Variants in OTUD7A observed in about 807,000 individuals in gnomAD.
OTUD7A encodes the protein OTU deubiquitinase 7A.
In OTUD7A, 12 loss-of-function variants were observed where a neutral mutation model predicts 65.7. That is an observed-to-expected ratio of 0.18 (90% CI 0.12 to 0.30). The LOEUF is 0.30. OTUD7A is among the 10% of genes least tolerant of loss of function. The pLI, the probability that OTUD7A is intolerant of heterozygous loss-of-function variation, is 1.00. For missense variants in OTUD7A, 1,148 were observed against 1,304.8 expected (o/e 0.88, Z 1.85); for synonymous variants, 641 against 586.3 (o/e 1.09, Z -1.35).
chr15:31,517,076 C>A (rs960592778), intron 8 of OTUD7A, among the ~76,000 whole-genome samples: 1 of 152,232 alleles, frequency 6.6e-6, no homozygotes, highest in Non-Finnish European at 1.5e-5. Flanking sequence ...ACAAAGCCAT[C>A]TGCCAGTACA....
rs2041063707 is a variant in OTUD7A, at chr15:31,478,662, C to T, written c.*4632G>A. On this transcript the variant is annotated 3_prime_UTR_variant, in exon 13 of 13. Transcript: ENST00000307050. The stretch of plus-strand genomic sequence containing the variant: ...CCCAAGGGGTCCCTGCAGGGCATCT[C>T]CCTCGCTCTTTTCTGCTGGGGGTGC... 6.6e-6 allele frequency: 1 copy of T among 152,178 alleles called. No individual in the cohort carries two copies. The highest frequency in any genetic ancestry group is 2.1e-4 in the South Asian group (1 of 4,822). The allele number at this position is 152,178 out of a possible 1,614,324, so 9.4% of individuals were successfully genotyped here.
intron 5 of OTUD7A, among the ~76,000 whole-genome samples, chr15:31,535,877 T>C (rs1359466314): frequency 3.9e-5 from 6 of 151,968 alleles, no homozygotes; most frequent in Non-Finnish European, 7.4e-5. Context: ...AGACGGGGTT[T>C]CACCGTGTTA....
intron 1 of OTUD7A, among the ~76,000 whole-genome samples, chr15:31,702,947 A>G (rs1893246832): frequency 6.6e-6 from 1 of 151,892 alleles, no homozygotes; most frequent in Admixed American, 6.6e-5. Flanking sequence ...CTGATTTTTG[A>G]CAGAGGTGAA....
intron 8 of OTUD7A, among the ~76,000 whole-genome samples, chr15:31,513,530 C>G (rs189226269): frequency 6.6e-6 from 1 of 152,356 alleles, no homozygotes; most frequent in Admixed American, 6.5e-5. Flanking sequence ...GAACATTTCT[C>G]AGGATATCCT....
intron 3 of OTUD7A, among the ~76,000 whole-genome samples, chr15:31,577,868 G>A (rs1192165882): frequency 6.7e-6 from 1 of 149,862 alleles, no homozygotes; most frequent in African/African-American, 2.5e-5. Flanking sequence ...TCCTTCCTTG[G>A]AATCGGACAA....
chr15:31,750,366 C>G (rs1296700115), intron 1 of OTUD7A, among the ~76,000 whole-genome samples: 1 of 137,846 alleles, frequency 7.3e-6, no homozygotes, highest in Non-Finnish European at 1.5e-5. Context: ...CAAGATCATG[C>G]CACTGCTTTC....
At chr15:31,633,445 C>G (rs1203858218) in intron 3 of OTUD7A, among the ~76,000 whole-genome samples, 1 of 152,174 alleles carries the variant, frequency 6.6e-6, no homozygotes, top group African/African-American at 2.4e-5. Context: ...TTCTTGGTAC[C>G]TATTTTGAAT....
Position 31,483,703 on chromosome 15 carries a change from A to C in OTUD7A, c.2393T>G (p.Leu798Arg). 1 of 1,150,958 alleles carries C rather than the reference A, an allele frequency of 8.7e-7. No individual in the cohort carries two copies. The highest frequency in any genetic ancestry group is 1.1e-6 in the Non-Finnish European group (1 of 938,012). 71.3% of individuals were successfully genotyped at this position (1,150,958 alleles called of 1,614,324 possible). A position where few individuals can be genotyped will look rare whatever the true frequency, so the allele number is the denominator to read the frequency against. Residue 798 changes from leucine (L) to arginine (R), a missense_variant, in exon 13 of 13, where the codon CTG becomes CGG. Physicochemically the swap from Leu to Arg is moderately radical, Grantham distance 102. Around this residue, in one of 6 missense-constraint regions of OTUD7A, gnomAD observed 842 missense variants for 769.5 expected, o/e 1.09. Transcript: ENST00000307050. ...DEACAPAVGA[L>R]RPCATYPQQN... Reference sequence around the variant, plus strand: ...CTGCGGGTACGTGGCGCACGGCCGCAGCGCCCCCACGGCCGGCGCGCACGC... The same window carrying C: ...CTGCGGGTACGTGGCGCACGGCCGCCGCGCCCCCACGGCCGGCGCGCACGC...
At chr15:31,578,561 T>G (rs1415719093) in intron 3 of OTUD7A, among the ~76,000 whole-genome samples, 3 of 151,974 alleles carry the variant, frequency 2.0e-5, no homozygotes, top group Non-Finnish European at 4.4e-5. Context: ...ATGTCCTTTT[T>G]TTTTTTTTGA....
At chr15:31,749,147 GA>G (rs1464380179) in intron 1 of OTUD7A, among the ~76,000 whole-genome samples, 2 of 113,464 alleles carry the variant, frequency 1.8e-5, no homozygotes, top group African/African-American at 6.7e-5. Context: ...GGGGTGGGGG[GA>G]GGGGGAAAGG....
chr15:31,713,900 T>C (rs1389750470), intron 1 of OTUD7A, among the ~76,000 whole-genome samples: 1 of 148,718 alleles, frequency 6.7e-6, no homozygotes, highest in African/African-American at 2.5e-5. Flanking sequence ...CTCAACCTTA[T>C]TAGTCATCAG....
chr15:31,530,649 G>C, intron 6 of OTUD7A, 58 bp downstream of exon 6: 1 of 1,477,984 alleles, frequency 6.8e-7, no homozygotes, highest in Non-Finnish European at 9.4e-7. Context: ...AATAGCATAT[G>C]TCTTTCCTTA....
intron 1 of OTUD7A, among the ~76,000 whole-genome samples, chr15:31,785,934 T>C (rs753994666): frequency 8.5e-5 from 13 of 152,288 alleles, no homozygotes; most frequent in Middle Eastern, 3.4e-3. Context: ...TAATTCTCAA[T>C]GTGGCAGTAT....
At chr15:31,624,839 G>A (rs1890902784) in intron 3 of OTUD7A, among the ~76,000 whole-genome samples, 2 of 152,186 alleles carry the variant, frequency 1.3e-5, no homozygotes, top group Non-Finnish European at 2.9e-5. Context: ...TATGGGTCCT[G>A]ATTACAATCT....
rs1892857192 is a variant in OTUD7A, at chr15:31,687,151, T to G, written c.-99-30074A>C. 2.0e-5 allele frequency among the ~76,000 whole-genome samples: 3 copies of G among 149,696 alleles called. No homozygotes were observed. The South Asian group carries it at 6.3e-4, about 32-fold the overall frequency. On this transcript the variant is annotated intron_variant, in intron 1 of 12. Transcript: ENST00000307050. ...CATAATCTTCAAATAAAAGCCCAAT[T>G]GGTTACTGACTGAAAGGCAAACCGA...
chr15:31,620,351 C>T (rs1186951532), intron 3 of OTUD7A, among the ~76,000 whole-genome samples: 4 of 152,198 alleles, frequency 2.6e-5, no homozygotes, highest in Middle Eastern at 3.4e-3. Context: ...GGTACCAGCT[C>T]CTCCTTTTAC....
At chr15:31,520,008 G>T in intron 8 of OTUD7A, among the ~76,000 whole-genome samples, 1 of 152,054 alleles carries the variant, frequency 6.6e-6, no homozygotes, top group South Asian at 2.1e-4. Context: ...CAAATGAATG[G>T]AAAAACATCC....
intron 1 of OTUD7A, among the ~76,000 whole-genome samples, chr15:31,768,479 C>T (rs749752060): frequency 3.9e-5 from 6 of 151,950 alleles, no homozygotes; most frequent in African/African-American, 1.2e-4. Context: ...GGCAACTTGA[C>T]GAAACCCTGT....
chr15:31,662,979 C>A (rs2141286560), intron 1 of OTUD7A, among the ~76,000 whole-genome samples: 1 of 151,992 alleles, frequency 6.6e-6, no homozygotes, highest in East Asian at 1.9e-4. Flanking sequence ...TAAGTTCTTA[C>A]AATTTATAGC....
Sources: gnomAD v4.1 joint callset for allele counts (sites outside exome capture counted in the v4.1 genomes callset) on GRCh38, gnomAD v4.1.1 for gene constraint, gnomAD v4.1.1 regional missense constraint, MANE v1.5 for transcripts, NCBI Gene and HGNC (gene_info 2026-07-23, HGNC 2026-07-21) for gene names.